The following TRAPPC9 variants were observed in gnomAD, a reference collection of about 807,000 sequenced individuals.
TRAPPC9 encodes the protein trafficking protein particle complex subunit 9, also known as IKK2 binding protein.
A neutral mutation model predicts 124.0 loss-of-function variants in TRAPPC9; 83 were observed. That is an observed-to-expected ratio of 0.67 (90% CI 0.56 to 0.80). The LOEUF (loss-of-function observed/expected upper bound fraction) is 0.80. Among genes scored for constraint, TRAPPC9 ranks in the 30% least tolerant of loss-of-function variants. The pLI is 0.00. For synonymous variants in TRAPPC9, 638 were observed against 617.5 expected, an observed-to-expected ratio of 1.03 and a Z score of -0.49; for missense variants, 1,302 against 1,508.3, an observed-to-expected ratio of 0.86 and a Z score of 2.27.
chr8:140,027,360 C>T (rs1218284564), intron 17 of TRAPPC9, among the ~76,000 whole-genome samples: 2 of 152,206 alleles, frequency 1.3e-5, no homozygotes, highest in African/African-American at 4.8e-5. Flanking sequence ...TCAGTAATGG[C>T]TGTGAAAAGC....
At chr8:139,972,233 A>G (rs1243440868) in intron 19 of TRAPPC9, among the ~76,000 whole-genome samples, 1 of 152,176 alleles carries the variant, frequency 6.6e-6, no homozygotes, top group Non-Finnish European at 1.5e-5. Flanking sequence ...AGCAAAACGC[A>G]TTTAAGGAAA....
At chr8:140,359,345 G>C (rs1441918609) in intron 9 of TRAPPC9, among the ~76,000 whole-genome samples, 1 of 152,192 alleles carries the variant, frequency 6.6e-6, no homozygotes, top group East Asian at 1.9e-4. Context: ...AGGAAGGCAG[G>C]TTTGGGGCAG....
rs557526443 is a variant in TRAPPC9, at chr8:140,200,920, ACT to A, written c.2556+20537_2556+20538del. On this transcript the variant is annotated intron_variant, in intron 17 of 22. Coordinates refer to ENST00000438773, the MANE Select transcript of TRAPPC9 (RefSeq NM_001160372.4). Reference sequence around the variant, plus strand: ...AAACTGATATGAGGGATACATGGGAACTCTCTGTTCCATCTTTGCAGCTTTTC... The same window carrying A: ...AAACTGATATGAGGGATACATGGGAACTCTGTTCCATCTTTGCAGCTTTTC... Among the ~76,000 whole-genome samples, 26 of 152,278 alleles carry A rather than the reference ACT, an allele frequency of 1.7e-4. No homozygotes were observed. The South Asian group carries it at 4.8e-3, about 28-fold the overall frequency.
chr8:139,927,540 CT>C (rs1832887154), intron 19 of TRAPPC9, among the ~76,000 whole-genome samples: 1 of 152,180 alleles, frequency 6.6e-6, no homozygotes, highest in Non-Finnish European at 1.5e-5. Flanking sequence ...GCCACTGCAC[CT>C]GACCTGGTCT....
chr8:139,898,057 G>C lies in TRAPPC9; in HGVS notation c.2965-12088C>G, dbSNP rs531477352. Reference sequence around the variant, plus strand: ...GTTATTGGCTTAGGCCAATAACGGTGTCAGCTCGTCCCCTGCCAGTGAGAT... The same window carrying C: ...GTTATTGGCTTAGGCCAATAACGGTCTCAGCTCGTCCCCTGCCAGTGAGAT... On this transcript the variant is annotated intron_variant, in intron 20 of 22. Transcript: ENST00000438773. Among the ~76,000 whole-genome samples, 6 of 152,362 alleles carry C rather than the reference G, an allele frequency of 3.9e-5. No individual in the cohort carries two copies. In the East Asian group the frequency reaches 1.2e-3, roughly 29 times the overall value.
At chr8:140,297,679 G>A (rs1259518450) in intron 11 of TRAPPC9, among the ~76,000 whole-genome samples, 2 of 152,200 alleles carry the variant, frequency 1.3e-5, no homozygotes, top group African/African-American at 2.4e-5. Context: ...CAGGGTCTGC[G>A]GGGCCCCCAC....
At chr8:139,862,086 C>G (rs1828203359) in intron 21 of TRAPPC9, among the ~76,000 whole-genome samples, 1 of 152,260 alleles carries the variant, frequency 6.6e-6, no homozygotes, top group Admixed American at 6.5e-5. Context: ...CTCTCTGAAG[C>G]CATACACATT....
chr8:140,322,377 C>A (rs1588149109), intron 9 of TRAPPC9, among the ~76,000 whole-genome samples: 1 of 152,204 alleles, frequency 6.6e-6, no homozygotes, highest in Admixed American at 6.5e-5. Flanking sequence ...TGCCCCACCC[C>A]CCTGGTGGCA....
At chr8:140,137,847 ACC>A (rs756998919) in intron 17 of TRAPPC9, among the ~76,000 whole-genome samples, 12 of 152,238 alleles carry the variant, frequency 7.9e-5, no homozygotes, top group Admixed American at 5.9e-4. Context: ...GTAAACCATA[ACC>A]ATATACGATT....
At chr8:140,017,740 A>G (rs147641904) in intron 18 of TRAPPC9, among the ~76,000 whole-genome samples, 4 of 152,190 alleles carry the variant, frequency 2.6e-5, no homozygotes, top group Admixed American at 2.6e-4. Flanking sequence ...TAATTCCACT[A>G]AACAAAAATC....
rs547115138 is a variant in TRAPPC9, at chr8:139,787,256, G to A, written c.3056-55054C>T. Among the ~76,000 whole-genome samples the A allele has an allele frequency of 4.1e-4, 63 of 152,032 alleles. 1 individual carries two copies. Among genetic ancestry groups the A allele is most frequent in the Admixed American group, 2.0e-3 (31 of 15,282 alleles). On this transcript the variant is annotated intron_variant, in intron 21 of 22. Coordinates refer to ENST00000438773, the MANE Select transcript of TRAPPC9 (RefSeq NM_001160372.4). Reference sequence around the variant, plus strand: ...TTTGAATTTGAGGAGGAAAAATCTCGTTCAGAGGCAACTGAGCTGCTTTAT... The same window carrying A: ...TTTGAATTTGAGGAGGAAAAATCTCATTCAGAGGCAACTGAGCTGCTTTAT...
intron 16 of TRAPPC9, among the ~76,000 whole-genome samples, chr8:140,246,742 T>C (rs2063997241): frequency 6.6e-6 from 1 of 152,220 alleles, no homozygotes; most frequent in Non-Finnish European, 1.5e-5. Context: ...CCCAGCACTT[T>C]GGGAGGCCGA....
chr8:140,200,237 T>G (rs1183180505), intron 17 of TRAPPC9, among the ~76,000 whole-genome samples: 4 of 152,130 alleles, frequency 2.6e-5, no homozygotes. Flanking sequence ...GATGTGTAGA[T>G]GCATAGGTTT....
At chr8:140,409,339 G>A (rs564407264) in intron 5 of TRAPPC9, among the ~76,000 whole-genome samples, 14 of 152,202 alleles carry the variant, frequency 9.2e-5, no homozygotes, top group East Asian at 1.9e-4. Context: ...GAAAACACTC[G>A]CATGCACTGC....
intron 2 of TRAPPC9, 149 bp downstream of exon 2, chr8:140,450,641 A>G: frequency 1.4e-6 from 1 of 715,338 alleles, no homozygotes; most frequent in Non-Finnish European, 2.4e-6. Context: ...TTTTTTTAGC[A>G]GCACTCAAAC....
At chr8:140,419,428 C>CAAAAAAAAA (rs61155157) in intron 5 of TRAPPC9, among the ~76,000 whole-genome samples, 56 of 79,574 alleles carry the variant, frequency 7.0e-4, no homozygotes, top group East Asian at 1.2e-3. Flanking sequence ...GACTCCGTCT[C>CAAAAAAAAA]AAAAAAAAAA....
At chr8:139,861,836 C>G (rs1370956312) in intron 21 of TRAPPC9, among the ~76,000 whole-genome samples, 1 of 152,098 alleles carries the variant, frequency 6.6e-6, no homozygotes, top group Non-Finnish European at 1.5e-5. Context: ...CTGCATCACT[C>G]CATCCCCCAC....
At chr8:140,143,768 T>G (rs2061415456) in intron 17 of TRAPPC9, among the ~76,000 whole-genome samples, 1 of 152,256 alleles carries the variant, frequency 6.6e-6, no homozygotes, top group Non-Finnish European at 1.5e-5. Flanking sequence ...TCCCAGCATC[T>G]TTTATGAAAA....
chr8:139,793,373 G>T (rs1822830970), intron 21 of TRAPPC9, among the ~76,000 whole-genome samples: 2 of 152,184 alleles, frequency 1.3e-5, no homozygotes, highest in Admixed American at 1.3e-4. Flanking sequence ...GAGACTGCAG[G>T]TCTGTCACTC....
Sources: gnomAD v4.1 joint callset for allele counts (sites outside exome capture counted in the v4.1 genomes callset) on GRCh38, gnomAD v4.1.1 for gene constraint, MANE v1.5 for transcripts, NCBI Gene and HGNC (gene_info 2026-07-23, HGNC 2026-07-21) for gene names.